NECAB1: variants seen among roughly 807,000 people sequenced by gnomAD.
NECAB1 encodes the protein N-terminal EF-hand calcium binding protein 1, also known as N-terminal EF-hand calcium-binding protein 1.
In NECAB1, 29 loss-of-function variants were observed where a neutral mutation model predicts 57.5. The observed-to-expected ratio is 0.50, with a 90% CI of 0.38 to 0.69. The LOEUF (loss-of-function observed/expected upper bound fraction) is 0.69. Ranked by LOEUF, NECAB1 falls within the 30% of genes least tolerant of loss-of-function variation. The pLI, the probability that NECAB1 is intolerant of heterozygous loss-of-function variation, is 0.00. For missense variants in NECAB1, 372 were observed against 413.8 expected, an observed-to-expected ratio of 0.90 and a Z score of 0.88; for synonymous variants, 142 against 147.7, an observed-to-expected ratio of 0.96 and a Z score of 0.28.
At position 90,959,050 on chromosome 8, in the gene NECAB1, GTTAAT is replaced by G. The variant is rs1811084872; in HGVS notation, c.*3542_*3546del. 2.5e-5 allele frequency: 30 copies of G among 1,192,848 alleles called. No individual in the cohort carries two copies. The highest frequency in any genetic ancestry group is 3.1e-5 in the Non-Finnish European group (27 of 860,834). The allele number at this position is 1,192,848 out of a possible 1,614,324, so 73.9% of individuals were successfully genotyped here. A position where few individuals can be genotyped will look rare whatever the true frequency, so the allele number is the denominator to read the frequency against. On this transcript the variant is annotated 3_prime_UTR_variant, in exon 13 of 13. Transcript: ENST00000417640. ...GTTTTCCTGTAATATAAAAGAAAAA[GTTAAT>G]TTATCAATTGATTGAATACAGTTTT...
At position 90,918,596 on chromosome 8, in the gene NECAB1, G is replaced by A. The variant is rs190172684; in HGVS notation, c.494+968G>A. On this transcript the variant is annotated intron_variant, in intron 6 of 12. Coordinates refer to ENST00000417640, the MANE Select transcript of NECAB1 (RefSeq NM_022351.5). The stretch of plus-strand genomic sequence containing the variant: ...AATTTCATGGAGTTTCTCTATTTGA[G>A]CTTGTCTTGCAAAATCAAGAGATCA... Among the ~76,000 whole-genome samples, 350 of 152,292 alleles carry A rather than the reference G, an allele frequency of 2.3e-3. 2 individuals carry two copies. The highest frequency in any genetic ancestry group is 8.1e-3 in the African/African-American group (335 of 41,568).
chr8:90,955,424 C>T, intron 12 of NECAB1, 63 bp from the exon 13 acceptor site: 1 of 1,234,404 alleles, frequency 8.1e-7, no homozygotes, highest in Non-Finnish European at 1.2e-6. Flanking sequence ...TAATTTGCAC[C>T]TTGAATGTTC....
intron 2 of NECAB1, chr8:90,806,706 T>C (rs1811852220): frequency 6.6e-6 from 1 of 152,212 alleles, no homozygotes; most frequent in African/African-American, 2.4e-5. Context: ...GTTGTTCAAA[T>C]TCCCTGTGCC....
intron 8 of NECAB1, among the ~76,000 whole-genome samples, chr8:90,929,989 C>A (rs1334547600): frequency 6.6e-6 from 1 of 152,088 alleles, no homozygotes; most frequent in Non-Finnish European, 1.5e-5. Flanking sequence ...GACTTGGAAA[C>A]AACAGAAGGC....
intron 3 of NECAB1, among the ~76,000 whole-genome samples, chr8:90,854,183 C>A (rs376273117): frequency 2.0e-5 from 3 of 152,006 alleles, no homozygotes; most frequent in East Asian, 1.9e-4. Context: ...AACATTAGTT[C>A]TATTGGAAAA....
At chr8:90,797,570 G>A (rs977943649) in intron 1 of NECAB1, among the ~76,000 whole-genome samples, 2 of 152,028 alleles carry the variant, frequency 1.3e-5, no homozygotes, top group African/African-American at 4.8e-5. Context: ...AAGTTACTTA[G>A]GGAAAAAAAG....
intron 2 of NECAB1, chr8:90,806,627 AC>A (rs1246371319): frequency 6.6e-6 from 1 of 152,244 alleles, no homozygotes; most frequent in Non-Finnish European, 1.5e-5. Context: ...AGTGGCGAGA[AC>A]ATAGGCTTTG....
intron 4 of NECAB1, among the ~76,000 whole-genome samples, chr8:90,875,737 G>T (rs1204718029): frequency 2.0e-5 from 3 of 151,374 alleles, no homozygotes; most frequent in East Asian, 2.0e-4. Context: ...CGGGGGCCGG[G>T]CGCGGTGGCT....
At chr8:90,800,554 T>G (rs113047501) in intron 1 of NECAB1, among the ~76,000 whole-genome samples, 3,097 of 152,294 alleles carry the variant, frequency 0.02, 104 homozygotes, top group African/African-American at 0.07. Context: ...TTTATCAAAG[T>G]CTTTTCCTCC....
intron 1 of NECAB1, among the ~76,000 whole-genome samples, chr8:90,794,163 C>G (rs911169451): frequency 2.6e-5 from 4 of 152,080 alleles, no homozygotes; most frequent in African/African-American, 9.7e-5. Flanking sequence ...TTACACTTTT[C>G]TTTGAGTTAT....
chr8:90,938,712 T>C (rs1586143117), intron 9 of NECAB1, among the ~76,000 whole-genome samples: 1 of 152,282 alleles, frequency 6.6e-6, no homozygotes, highest in African/African-American at 2.4e-5. Flanking sequence ...GGTTGCAAAG[T>C]TGGAAATTGC....
intron 5 of NECAB1, among the ~76,000 whole-genome samples, chr8:90,901,235 TAAA>T (rs34105450): frequency 3.5e-5 from 5 of 144,806 alleles, no homozygotes; most frequent in African/African-American, 5.0e-5. Context: ...GTCTCTCTGT[TAAA>T]AAAAAAAAAA....
At chr8:90,892,867 GTCTAGAC>G (rs1809220448) in intron 5 of NECAB1, among the ~76,000 whole-genome samples, 1 of 152,162 alleles carries the variant, frequency 6.6e-6, no homozygotes, top group Non-Finnish European at 1.5e-5. Context: ...TCAGGACAAA[GTCTAGAC>G]TCTTTGCCCA....
chr8:90,857,023 A>G (rs1812807168), intron 3 of NECAB1, among the ~76,000 whole-genome samples: 1 of 152,254 alleles, frequency 6.6e-6, no homozygotes, highest in African/African-American at 2.4e-5. Flanking sequence ...AACAAAAGGA[A>G]TGATACACTA....
At chr8:90,946,808 C>T (rs1205961235) in intron 10 of NECAB1, among the ~76,000 whole-genome samples, 2 of 152,170 alleles carry the variant, frequency 1.3e-5, no homozygotes, top group Admixed American at 6.5e-5. Context: ...GTCACATGGT[C>T]ATTGCTGGCC....
At chr8:90,866,809 T>C (rs748250407) in intron 3 of NECAB1, among the ~76,000 whole-genome samples, 2 of 152,314 alleles carry the variant, frequency 1.3e-5, no homozygotes, top group African/African-American at 2.4e-5. Flanking sequence ...TCGGTGGGAA[T>C]GTAAATTAGT....
At chr8:90,952,413 A>T (rs1401476249) in intron 12 of NECAB1, among the ~76,000 whole-genome samples, 1 of 152,116 alleles carries the variant, frequency 6.6e-6, no homozygotes, top group East Asian at 1.9e-4. Context: ...TATCAAGGAA[A>T]CCAAAAGAGT....
intron 9 of NECAB1, chr8:90,940,153 G>A (rs1277047040): frequency 6.6e-6 from 1 of 152,258 alleles, no homozygotes; most frequent in Non-Finnish European, 1.5e-5. Flanking sequence ...CCAATCCAGT[G>A]TGATCCATTA....
chr8:90,937,472 T>A (rs935039702), intron 9 of NECAB1, among the ~76,000 whole-genome samples: 33 of 152,052 alleles, frequency 2.2e-4, no homozygotes, highest in African/African-American at 6.0e-4. Context: ...GAAGTTTTTT[T>A]AAAAAAAACT....
Sources: gnomAD v4.1 joint callset for allele counts (sites outside exome capture counted in the v4.1 genomes callset) on GRCh38, gnomAD v4.1.1 for gene constraint, MANE v1.5 for transcripts, NCBI Gene and HGNC (gene_info 2026-07-23, HGNC 2026-07-21) for gene names.